GLIS3: variants seen among roughly 807,000 people sequenced by gnomAD.
The protein encoded by GLIS3 is GLIS family zinc finger 3.
A neutral mutation model predicts 78.6 loss-of-function variants in GLIS3; 53 were observed. That is an observed-to-expected ratio of 0.67 (90% CI 0.54 to 0.85). GLIS3 has a LOEUF of 0.85. GLIS3 is among the 40% of genes least tolerant of loss of function. GLIS3 has a pLI of 0.00. For synonymous variants in GLIS3, 684 were observed against 509.9 expected, an observed-to-expected ratio of 1.34 and a Z score of -4.60; for missense variants, 1,703 against 1,231.1, an observed-to-expected ratio of 1.38 and a Z score of -5.74.
intron 3 of GLIS3, chr9:4,123,676 TG>T (rs1832355516): frequency 2.5e-6 from 1 of 393,484 alleles, no homozygotes; most frequent in Non-Finnish European, 4.5e-6. Flanking sequence ...TTAAAAACTA[TG>T]TAGATTACTA....
intron 4 of GLIS3, among the ~76,000 whole-genome samples, chr9:3,973,206 G>A (rs1818517353): frequency 6.6e-6 from 1 of 152,100 alleles, no homozygotes; most frequent in Non-Finnish European, 1.5e-5. Context: ...TATCCTCCTG[G>A]GATCAAATGT....
chr9:4,203,879 T>A (rs889579029), intron 2 of GLIS3, among the ~76,000 whole-genome samples: 6 of 152,222 alleles, frequency 3.9e-5, no homozygotes, highest in African/African-American at 1.4e-4. Flanking sequence ...TACTCCATAT[T>A]CTCATTTATA....
At chr9:3,878,868 C>CAA (rs1821511386) in intron 8 of GLIS3, 1 of 159,942 alleles carries the variant, frequency 6.3e-6, no homozygotes, top group Non-Finnish European at 1.4e-5. Flanking sequence ...CACAGAAGCA[C>CAA]ACGAGATTGG....
chr9:4,460,191 T>C, the GLIS3 span, among the ~76,000 whole-genome samples: 1 of 152,078 alleles, frequency 6.6e-6, no homozygotes, highest in African/African-American at 2.4e-5. Flanking sequence ...TGGAAGACCA[T>C]GGGCATTCTT....
intron 6 of GLIS3, among the ~76,000 whole-genome samples, chr9:3,904,588 G>C (rs1823534632): frequency 6.6e-6 from 1 of 152,172 alleles, no homozygotes; most frequent in African/African-American, 2.4e-5. Context: ...ATGACCGTTT[G>C]TTTCAGGTCA....
chr9:4,148,596 G>C (rs10974349), intron 2 of GLIS3, among the ~76,000 whole-genome samples: 39,423 of 151,634 alleles, frequency 0.26, 5,442 homozygotes, highest in Middle Eastern at 0.36. Context: ...GACAGGGACT[G>C]TACCTAATCC....
intron 2 of GLIS3, among the ~76,000 whole-genome samples, chr9:4,218,997 G>A (rs992253006): frequency 1.3e-5 from 2 of 152,200 alleles, no homozygotes; most frequent in African/African-American, 2.4e-5. Flanking sequence ...GGTCATTACT[G>A]TATCCCTATT....
the GLIS3 span, among the ~76,000 whole-genome samples, chr9:4,442,295 T>C: frequency 6.6e-6 from 1 of 152,220 alleles, no homozygotes; most frequent in Non-Finnish European, 1.5e-5. Flanking sequence ...TCAGTTGTCA[T>C]GTCTCCTTTT....
At chr9:3,918,544 G>C (rs948135791) in intron 6 of GLIS3, among the ~76,000 whole-genome samples, 3 of 152,170 alleles carry the variant, frequency 2.0e-5, no homozygotes, top group Non-Finnish European at 4.4e-5. Flanking sequence ...ACTGGCATAA[G>C]AAAATGATGA....
the GLIS3 span, among the ~76,000 whole-genome samples, chr9:4,353,710 G>A: frequency 6.6e-6 from 1 of 152,170 alleles, no homozygotes; most frequent in Non-Finnish European, 1.5e-5. Flanking sequence ...AAACCACACA[G>A]CAGAATAGTC....
chr9:4,321,996 T>A (rs973488737), intron 2 of GLIS3, among the ~76,000 whole-genome samples: 12 of 152,090 alleles, frequency 7.9e-5, no homozygotes, highest in Non-Finnish European at 1.6e-4. Flanking sequence ...GTCATTCACA[T>A]TAGGTATTTC....
chr9:3,887,095 A>G (rs922888119), intron 7 of GLIS3, among the ~76,000 whole-genome samples: 5 of 152,156 alleles, frequency 3.3e-5, no homozygotes, highest in African/African-American at 7.2e-5. Flanking sequence ...AATATTGCCA[A>G]TCCCTAAAAA....
At chr9:4,237,129 C>G (rs1004234952) in intron 2 of GLIS3, among the ~76,000 whole-genome samples, 1 of 91,594 alleles carries the variant, frequency 1.1e-5, no homozygotes, top group African/African-American at 2.9e-5. Flanking sequence ...TGATTTATTT[C>G]AAAAATAATC....
chr9:3,991,851 T>C lies in GLIS3; in HGVS notation c.1711-54662A>G, dbSNP rs112634336. 3.3e-3 allele frequency among the ~76,000 whole-genome samples: 507 copies of C among 152,038 alleles called. 1 individual carries two copies. Among genetic ancestry groups the C allele is most frequent in the Non-Finnish European group, 3.2e-3 (219 of 68,000 alleles). On this transcript the variant is annotated intron_variant, in intron 4 of 10. Coordinates refer to ENST00000381971, the MANE Select transcript of GLIS3 (RefSeq NM_001042413.2). ...GACTACAGGCGCCTGCAACCATGCC[T>C]GGCTAATTTTTTGTATTTTTAGTAG...
At chr9:4,207,651 T>G (rs1819999442) in intron 2 of GLIS3, among the ~76,000 whole-genome samples, 1 of 152,172 alleles carries the variant, frequency 6.6e-6, no homozygotes, top group South Asian at 2.1e-4. Context: ...GACATAAGCA[T>G]AATCGTACTC....
At chr9:4,123,218 A>G (rs1025063975) in intron 3 of GLIS3, among the ~76,000 whole-genome samples, 2 of 152,220 alleles carry the variant, frequency 1.3e-5, no homozygotes, top group African/African-American at 4.8e-5. Flanking sequence ...AACATTTTAC[A>G]GATCAAACTG....
chr9:3,905,164 C>CTTTTTT (rs1563834122), intron 6 of GLIS3, among the ~76,000 whole-genome samples: 1 of 133,356 alleles, frequency 7.5e-6, no homozygotes, highest in Non-Finnish European at 1.6e-5. Context: ...TTTTTTTTTG[C>CTTTTTT]TATTTTTAGT....
At chr9:4,392,452 G>C in the GLIS3 span, among the ~76,000 whole-genome samples, 586 of 152,142 alleles carry the variant, frequency 3.9e-3, 1 homozygote, top group African/African-American at 0.014. Flanking sequence ...GGGATCTTAG[G>C]GATGCACTAG....
intron 2 of GLIS3, among the ~76,000 whole-genome samples, chr9:4,248,314 C>G (rs1047885199): frequency 2.0e-5 from 3 of 152,142 alleles, no homozygotes; most frequent in African/African-American, 4.8e-5. Flanking sequence ...GTTCAACTCC[C>G]ACTTAGGAGT....
Sources: allele counts gnomAD v4.1 joint callset (sites outside exome capture counted in the v4.1 genomes callset), GRCh38; gene constraint gnomAD v4.1.1; transcripts MANE v1.5; gene names NCBI Gene and HGNC (gene_info 2026-07-23, HGNC 2026-07-21).